The following PRSS48 variants were observed in gnomAD, a reference collection of about 807,000 sequenced individuals.
The protein encoded by PRSS48 is epidermis-specific serine protease-like protein.
A neutral mutation model predicts 25.6 loss-of-function variants in PRSS48; 21 were observed. The observed-to-expected ratio is 0.82, with a 90% CI of 0.58 to 1.18. The LOEUF is 1.18. Among genes scored for constraint, PRSS48 ranks in the 50% most tolerant of loss-of-function variants. PRSS48 has a pLI of 0.00. For synonymous variants in PRSS48, 150 were observed against 149.3 expected (o/e 1.00, Z -0.04); for missense variants, 373 against 399.3 (o/e 0.93, Z 0.56).
At chr4:151,284,088 T>C (rs1561430477) in intron 4 of PRSS48, among the ~76,000 whole-genome samples, 1 of 152,208 alleles carries the variant, frequency 6.6e-6, no homozygotes, top group Non-Finnish European at 1.5e-5. Context: ...TCACTGAGTT[T>C]TTGGTTTTTT....
chr4:151,287,360 A>AAGAGGGAACACTTCCC (rs1774905837), intron 4 of PRSS48, among the ~76,000 whole-genome samples: 1 of 151,312 alleles, frequency 6.6e-6, no homozygotes, highest in African/African-American at 2.4e-5. Flanking sequence ...AAAAAAAAAA[A>AAGAGGGAACACTTCCC]AGAGGGAACA....
At chr4:151,284,572 G>A (rs570965061) in intron 4 of PRSS48, among the ~76,000 whole-genome samples, 4 of 152,096 alleles carry the variant, frequency 2.6e-5, no homozygotes, top group Non-Finnish European at 4.4e-5. Context: ...GTTATCTCAG[G>A]GATATTCTCC....
chr4:151,277,368 C>A (rs1339741965), intron 1 of PRSS48, 144 bp downstream of exon 1: 1 of 489,490 alleles, frequency 2.0e-6, no homozygotes, highest in Non-Finnish European at 3.3e-6. Flanking sequence ...CTACTATATA[C>A]CCAGCACCAT....
rs1027214763 is a variant in PRSS48 at position 151,290,115 on chromosome 4, CTTAT to C, written c.652-996_652-993del. ...CATATGCCACCATAGCAGCTATTTACTTATTTATTTGTTTTGAAGAGACAGGGTT... is the reference window on the plus strand; with the variant it reads ...CATATGCCACCATAGCAGCTATTTACTTATTTGTTTTGAAGAGACAGGGTT... On this transcript the variant is annotated intron_variant, in intron 4 of 4. Coordinates refer to ENST00000455694, the Ensembl canonical transcript of PRSS48. Among the ~76,000 whole-genome samples the C allele has an allele frequency of 9.9e-4, 151 of 152,236 alleles. 1 individual carries two copies. Among genetic ancestry groups the C allele is most frequent in the African/African-American group, 3.5e-3 (144 of 41,528 alleles).
intron 4 of PRSS48, among the ~76,000 whole-genome samples, chr4:151,287,666 G>A (rs1337218377): frequency 1.3e-5 from 2 of 152,136 alleles, no homozygotes; most frequent in African/African-American, 2.4e-5. Context: ...AGGCCAAGAC[G>A]GGAGGATCAC....
At chr4:151,283,663 A>G (rs1253858444) in intron 4 of PRSS48, among the ~76,000 whole-genome samples, 1 of 151,852 alleles carries the variant, frequency 6.6e-6, no homozygotes, top group East Asian at 1.9e-4. Flanking sequence ...TGGGACTACA[A>G]GCTCACACCT....
chr4:151,279,852 G>C, exon 2 of PRSS48: 1 of 1,602,484 alleles, frequency 6.2e-7, no homozygotes, highest in South Asian at 1.1e-5. Flanking sequence ...TGCTGCTGCA[G>C]GGCGCTGGCC....
intron 4 of PRSS48, among the ~76,000 whole-genome samples, 194 bp from the exon 5 acceptor site, chr4:151,290,924 T>C (rs1775267234): frequency 2.0e-5 from 3 of 152,244 alleles, no homozygotes; most frequent in Admixed American, 2.0e-4. Context: ...CACTAAGGTC[T>C]CTGACAATTT....
intron 3 of PRSS48, 53 bp from the exon 4 acceptor site, chr4:151,283,064 C>T: frequency 6.4e-7 from 1 of 1,554,426 alleles, no homozygotes; most frequent in Non-Finnish European, 8.9e-7. Flanking sequence ...CTGAATGCTG[C>T]CCCTGCACTT....
chr4:151,288,247 T>C (rs1775009934), intron 4 of PRSS48, among the ~76,000 whole-genome samples: 4 of 152,202 alleles, frequency 2.6e-5, no homozygotes, highest in Admixed American at 1.3e-4. Flanking sequence ...GTCATTTCTA[T>C]GCAACACTGT....
chr4:151,282,168 A>T, exon 3 of PRSS48: 1 of 1,613,882 alleles, frequency 6.2e-7, no homozygotes, highest in African/African-American at 1.3e-5. Context: ...ACTTTTTCAT[A>T]TACTGTGTGG....
intron 3 of PRSS48, 28 bp from the exon 4 acceptor site, chr4:151,283,089 A>C (rs776225423): frequency 6.2e-7 from 1 of 1,609,612 alleles, no homozygotes; most frequent in Non-Finnish European, 8.5e-7. Context: ...AGGTTGCTTT[A>C]ATCTTTTGTT....
chr4:151,287,606 G>C (rs184341731), intron 4 of PRSS48, among the ~76,000 whole-genome samples: 1 of 152,218 alleles, frequency 6.6e-6, no homozygotes, highest in East Asian at 1.9e-4. Context: ...GGGTATGTGG[G>C]TTCTTTTTAG....
chr4:151,286,484 ATAAC>A (rs1247194773), intron 4 of PRSS48, among the ~76,000 whole-genome samples: 1 of 151,786 alleles, frequency 6.6e-6, no homozygotes, highest in Non-Finnish European at 1.5e-5. Context: ...AAAAAATTAG[ATAAC>A]TAAGATGATA....
chr4:151,277,436 T>G (rs1327816712), intron 1 of PRSS48, among the ~76,000 whole-genome samples: 1 of 152,090 alleles, frequency 6.6e-6, no homozygotes, highest in Non-Finnish European at 1.5e-5. Context: ...ATCCCTATCT[T>G]CGTGGGACTT....
At chr4:151,279,985 C>T in intron 2 of PRSS48, 27 bp downstream of exon 2, 1 of 1,329,746 alleles carries the variant, frequency 7.5e-7, no homozygotes, top group Non-Finnish European at 9.9e-7. Flanking sequence ...AGCTAACACA[C>T]AGACAGGTTC....
intron 2 of PRSS48, among the ~76,000 whole-genome samples, chr4:151,281,474 G>T (rs1774228322): frequency 6.6e-6 from 1 of 152,158 alleles, no homozygotes; most frequent in Non-Finnish European, 1.5e-5. Flanking sequence ...GTGGGGGGTA[G>T]ACAGCGATGT....
chr4:151,283,508 CTTTT>C (rs5862956), intron 4 of PRSS48, among the ~76,000 whole-genome samples: 5 of 126,532 alleles, frequency 4.0e-5, no homozygotes, highest in Admixed American at 8.0e-5. Flanking sequence ...GGTCATTGGA[CTTTT>C]TTTTTTTTTT....
At chr4:151,286,300 A>G (rs1296051032) in intron 4 of PRSS48, among the ~76,000 whole-genome samples, 1 of 151,454 alleles carries the variant, frequency 6.6e-6, no homozygotes, top group Admixed American at 6.6e-5. Context: ...AATAAACAAA[A>G]GCAAAAGTTG....
Sources: gnomAD v4.1 joint callset for allele counts (sites outside exome capture counted in the v4.1 genomes callset) on GRCh38, gnomAD v4.1.1 for gene constraint, MANE v1.5 for transcripts, NCBI Gene and HGNC (gene_info 2026-07-23, HGNC 2026-07-21) for gene names.